PPP1R9A: variants seen among roughly 807,000 people sequenced by gnomAD.
PPP1R9A encodes the protein neurabin-1.
In PPP1R9A, 59 loss-of-function variants were observed where a neutral mutation model predicts 141.9. The observed-to-expected ratio is 0.42, with a 90% CI of 0.34 to 0.52. PPP1R9A has a LOEUF of 0.52. PPP1R9A is among the 20% of genes least tolerant of loss of function. The probability of loss-of-function intolerance (pLI) is 0.10; values close to 1 mark genes in which losing one functional copy is unlikely to be tolerated. For missense variants in PPP1R9A, 1,444 were observed against 1,611.9 expected, an observed-to-expected ratio of 0.90 and a Z score of 1.78; for synonymous variants, 500 against 569.7, an observed-to-expected ratio of 0.88 and a Z score of 1.74.
At chr7:95,075,574 TA>T (rs1285699409) in intron 2 of PPP1R9A, among the ~76,000 whole-genome samples, 1 of 152,036 alleles carries the variant, frequency 6.6e-6, no homozygotes, top group African/African-American at 2.4e-5. Context: ...CTCATGCCTG[TA>T]AAGTAATCCC....
intron 2 of PPP1R9A, among the ~76,000 whole-genome samples, chr7:95,087,146 C>T (rs1008531456): frequency 1.3e-5 from 2 of 151,998 alleles, no homozygotes; most frequent in African/African-American, 4.8e-5. Context: ...GAGAAGCCAC[C>T]TAACACACTT....
intron 2 of PPP1R9A, among the ~76,000 whole-genome samples, chr7:94,970,220 G>A (rs1026483832): frequency 2.6e-4 from 39 of 152,190 alleles, no homozygotes; most frequent in Non-Finnish European, 5.1e-4. Context: ...CAGCTAGCTT[G>A]GTGTCTGCCC....
At chr7:95,155,468 G>C (rs537526685) in intron 4 of PPP1R9A, 1 of 152,134 alleles carries the variant, frequency 6.6e-6, no homozygotes, top group Non-Finnish European at 1.5e-5. Flanking sequence ...TCGATTGTAG[G>C]CATGAGCCAC....
At chr7:95,051,202 G>A (rs373557143) in intron 2 of PPP1R9A, among the ~76,000 whole-genome samples, 2 of 151,606 alleles carry the variant, frequency 1.3e-5, no homozygotes, top group African/African-American at 4.8e-5. Flanking sequence ...CTTTCGAATA[G>A]GGATGTCCAG....
intron 2 of PPP1R9A, among the ~76,000 whole-genome samples, chr7:95,110,099 A>G (rs1038292857): frequency 3.3e-5 from 5 of 152,144 alleles, no homozygotes; most frequent in Non-Finnish European, 5.9e-5. Context: ...AAATGATACT[A>G]TTTAAGAAGC....
chr7:95,102,562 A>G (rs141478641), intron 2 of PPP1R9A, among the ~76,000 whole-genome samples: 43 of 152,330 alleles, frequency 2.8e-4, no homozygotes, highest in African/African-American at 8.7e-4. Context: ...GTTCTCATTG[A>G]CCGCTGCCTT....
intron 2 of PPP1R9A, 75 bp from the exon 3 acceptor site, chr7:95,111,184 A>G: frequency 7.1e-7 from 1 of 1,399,870 alleles, no homozygotes; most frequent in Non-Finnish European, 9.6e-7. Flanking sequence ...TGAATGTTTA[A>G]ACTTACATAG....
intron 7 of PPP1R9A, among the ~76,000 whole-genome samples, chr7:95,211,059 A>G (rs1792009635): frequency 6.6e-6 from 1 of 151,962 alleles, no homozygotes; most frequent in African/African-American, 2.4e-5. Context: ...TGACCGGTTG[A>G]TGGGTGCAGC....
intron 2 of PPP1R9A, among the ~76,000 whole-genome samples, chr7:94,997,881 G>A (rs1030505549): frequency 6.6e-6 from 1 of 152,046 alleles, no homozygotes; most frequent in Non-Finnish European, 1.5e-5. Context: ...AGCCTGCACT[G>A]TTATGGAAAG....
At chr7:95,079,662 T>A (rs1477127458) in intron 2 of PPP1R9A, among the ~76,000 whole-genome samples, 1 of 152,104 alleles carries the variant, frequency 6.6e-6, no homozygotes, top group Non-Finnish European at 1.5e-5. Context: ...ACCAATATCC[T>A]TGATGAACAT....
intron 2 of PPP1R9A, among the ~76,000 whole-genome samples, chr7:95,072,720 G>GTAATATAATATATAATATATTATATT (rs1814056782): frequency 1.0e-5 from 1 of 97,844 alleles, no homozygotes; most frequent in African/African-American, 4.2e-5. Flanking sequence ...TATATTATAT[G>GTAATATAATATATAATATATTATATT]TATATTTATT....
rs1438772952 is a variant in PPP1R9A at position 95,133,513 on chromosome 7, T to TTTTATATA, written c.1649+12682_1649+12683insTTATATAT. On this transcript the variant is annotated intron_variant, in intron 4 of 19. Coordinates refer to ENST00000433360, the MANE Select transcript of PPP1R9A (RefSeq NM_001166160.2). The stretch of plus-strand genomic sequence containing the variant: ...TTTAAGGATATATTATGCAGTCGTA[T>TTTTATATA]TATATATATATATATATATATATAT... 7.5e-4 allele frequency among the ~76,000 whole-genome samples: 99 copies of TTTTATATA among 132,692 alleles called. 1 individual carries two copies. The highest frequency in any genetic ancestry group is 1.5e-3 in the Admixed American group (20 of 12,976). 87.1% of individuals were successfully genotyped at this position (132,692 alleles called of 152,430 possible). A position where few individuals can be genotyped will look rare whatever the true frequency, so the allele number is the denominator to read the frequency against.
intron 2 of PPP1R9A, among the ~76,000 whole-genome samples, chr7:94,984,863 G>A (rs1175954603): frequency 6.6e-6 from 1 of 151,840 alleles, no homozygotes; most frequent in Admixed American, 6.6e-5. Context: ...GTTATTTCTT[G>A]CCTTCTGCTA....
chr7:95,068,992 G>A (rs1457322010), intron 2 of PPP1R9A, among the ~76,000 whole-genome samples: 3 of 152,110 alleles, frequency 2.0e-5, no homozygotes, highest in Admixed American at 2.0e-4. Context: ...CATAGTATTT[G>A]CATATAACCC....
chr7:95,066,741 A>G (rs926148215), intron 2 of PPP1R9A, among the ~76,000 whole-genome samples: 3 of 152,220 alleles, frequency 2.0e-5, no homozygotes, highest in African/African-American at 7.2e-5. Flanking sequence ...CCAACATCCA[A>G]CTAATACACA....
Position 95,210,670 on chromosome 7 carries a change from T to G in PPP1R9A, c.1956+6940T>G, listed in dbSNP as rs144357128. ...GGGTATATACCCAAAGGATTATAAA[T>G]CATTCTACTGTAAAGACACATGCAC... On this transcript the variant is annotated intron_variant, in intron 7 of 19. Transcript: ENST00000433360. 4.2e-3 allele frequency among the ~76,000 whole-genome samples: 635 copies of G among 152,216 alleles called. 5 individuals are homozygous for G. Among genetic ancestry groups the G allele is most frequent in the African/African-American group, 0.015 (611 of 41,530 alleles).
rs1437267084 is a variant in PPP1R9A at position 95,085,146 on chromosome 7, C to T, written c.1396-26113C>T. On this transcript the variant is annotated intron_variant, in intron 2 of 19. Transcript: ENST00000433360. ...TGCCTATTACTAGTAAAGTAGGACCCTATGTCATGTGTTTATTAACCATTA... is the reference window on the plus strand; with the variant it reads ...TGCCTATTACTAGTAAAGTAGGACCTTATGTCATGTGTTTATTAACCATTA... Among the ~76,000 whole-genome samples the T allele has an allele frequency of 5.3e-5, 8 of 151,874 alleles. No individual in the cohort carries two copies. In the South Asian group the frequency reaches 1.5e-3, roughly 28 times the overall value.
intron 2 of PPP1R9A, among the ~76,000 whole-genome samples, chr7:94,970,155 C>T (rs188476283): frequency 8.5e-5 from 13 of 152,206 alleles, no homozygotes; most frequent in Admixed American, 2.6e-4. Flanking sequence ...AGGGAGTGAA[C>T]GGTTCTGTCT....
chr7:94,977,440 G>A (rs564333195), intron 2 of PPP1R9A, among the ~76,000 whole-genome samples: 28 of 152,264 alleles, frequency 1.8e-4, no homozygotes, highest in East Asian at 1.4e-3. Context: ...GATCAGTTTT[G>A]TTAAATGTTG....
Sources: allele counts gnomAD v4.1 joint callset (sites outside exome capture counted in the v4.1 genomes callset), GRCh38; gene constraint gnomAD v4.1.1; transcripts MANE v1.5; gene names NCBI Gene and HGNC (gene_info 2026-07-23, HGNC 2026-07-21).